The following NPFFR2 variants were observed in gnomAD, a reference collection of about 807,000 sequenced individuals.
NPFFR2 encodes G-protein coupled receptor 74.
NPFFR2 carries 15 observed loss-of-function variants against 13.1 expected under a neutral mutation model. That is an observed-to-expected ratio of 1.15 (90% CI 0.77 to 1.76). NPFFR2 has a LOEUF of 1.76. Ranked by LOEUF, NPFFR2 falls within the 40% of genes most tolerant of loss-of-function variation. The pLI is 0.00. For synonymous variants in NPFFR2, 190 were observed against 175.7 expected, an observed-to-expected ratio of 1.08 and a Z score of -0.65; for missense variants, 572 against 503.5, an observed-to-expected ratio of 1.14 and a Z score of -1.30.
intron 1 of NPFFR2, among the ~76,000 whole-genome samples, chr4:72,112,841 A>G (rs1268650399): frequency 6.6e-6 from 1 of 152,064 alleles, no homozygotes; most frequent in Non-Finnish European, 1.5e-5. Context: ...TACCCCTCTC[A>G]GGAGAGGGTT....
At chr4:72,127,258 C>T (rs62320814) in intron 1 of NPFFR2, among the ~76,000 whole-genome samples, 104,779 of 105,588 alleles carry the variant, frequency 0.99, 51,995 homozygotes, top group South Asian at 1. Context: ...GAGCCGAGAT[C>T]GCGCCACTGC....
At chr4:72,055,303 A>AATC (rs1268525185) in intron 1 of NPFFR2, among the ~76,000 whole-genome samples, 2 of 151,552 alleles carry the variant, frequency 1.3e-5, no homozygotes, top group Non-Finnish European at 1.5e-5. Flanking sequence ...TTCTTGTGAT[A>AATC]ATAAAAAAGT....
intron 1 of NPFFR2, among the ~76,000 whole-genome samples, chr4:72,092,575 C>G (rs1239298311): frequency 6.6e-6 from 1 of 152,022 alleles, no homozygotes; most frequent in Non-Finnish European, 1.5e-5. Flanking sequence ...GACTAGTCCT[C>G]TTATCATCGT....
intron 1 of NPFFR2, among the ~76,000 whole-genome samples, chr4:72,071,241 A>G (rs981112156): frequency 6.6e-6 from 1 of 152,188 alleles, no homozygotes; most frequent in Non-Finnish European, 1.5e-5. Context: ...CGTAAATGTC[A>G]ATGCTGTATG....
intron 1 of NPFFR2, among the ~76,000 whole-genome samples, chr4:72,042,342 C>G (rs1719244473): frequency 6.6e-6 from 1 of 152,172 alleles, no homozygotes; most frequent in Non-Finnish European, 1.5e-5. Flanking sequence ...ATTACCCAGT[C>G]TTGGCTATAT....
At chr4:72,063,284 T>G (rs1041710017) in intron 1 of NPFFR2, among the ~76,000 whole-genome samples, 1 of 150,376 alleles carries the variant, frequency 6.6e-6, no homozygotes, top group African/African-American at 2.5e-5. Context: ...AAATGAATTT[T>G]GCATGGCAAA....
intron 1 of NPFFR2, among the ~76,000 whole-genome samples, chr4:72,090,456 C>T (rs544482466): frequency 5.0e-4 from 76 of 152,136 alleles, no homozygotes; most frequent in Non-Finnish European, 9.4e-4. Flanking sequence ...CATCCATGAG[C>T]GTGAGATGTG....
At chr4:72,045,407 C>A (rs10937991) in intron 1 of NPFFR2, among the ~76,000 whole-genome samples, 135,408 of 152,188 alleles carry the variant, frequency 0.89, 61,386 homozygotes, top group Non-Finnish European at 0.98. Flanking sequence ...ATACCAATAC[C>A]ATTTCCTCTT....
chr4:72,038,901 CTTTCTTTTTTTTT>C (rs1331934493), intron 1 of NPFFR2, among the ~76,000 whole-genome samples: 1 of 86,918 alleles, frequency 1.2e-5, no homozygotes, highest in East Asian at 4.2e-4. Flanking sequence ...TTTAAATTTC[CTTTCTTTTTTTTT>C]TTTTTTTTTT....
chr4:72,073,377 CT>C (rs1360149055), intron 1 of NPFFR2, among the ~76,000 whole-genome samples: 1 of 151,980 alleles, frequency 6.6e-6, no homozygotes, highest in African/African-American at 2.4e-5. Context: ...GCAAAACTAT[CT>C]TTCAAAAGCT....
chr4:72,099,745 A>T (rs1177610930), intron 1 of NPFFR2, among the ~76,000 whole-genome samples: 1 of 152,164 alleles, frequency 6.6e-6, no homozygotes. Context: ...TTTCAAAGGA[A>T]CATCCAAAGC....
intron 1 of NPFFR2, among the ~76,000 whole-genome samples, chr4:72,078,279 G>C (rs749156181): frequency 6.6e-6 from 1 of 152,096 alleles, no homozygotes; most frequent in Non-Finnish European, 1.5e-5. Context: ...GAATATATAA[G>C]AATGTCTTCT....
chr4:72,056,877 T>G (rs1719763063), intron 1 of NPFFR2, among the ~76,000 whole-genome samples: 1 of 151,934 alleles, frequency 6.6e-6, no homozygotes, highest in South Asian at 2.1e-4. Context: ...TGCAATGTCA[T>G]AATCAAACTT....
chr4:72,036,837 A>G (rs1719051400), intron 1 of NPFFR2, among the ~76,000 whole-genome samples: 1 of 152,078 alleles, frequency 6.6e-6, no homozygotes, highest in African/African-American at 2.4e-5. Flanking sequence ...AGATGTATAT[A>G]TTAGAATTTA....
At chr4:72,113,756 T>G (rs1721633208) in intron 1 of NPFFR2, among the ~76,000 whole-genome samples, 1 of 152,056 alleles carries the variant, frequency 6.6e-6, no homozygotes, top group Non-Finnish European at 1.5e-5. Context: ...TGTCTGCGAG[T>G]AGACCAGTTC....
intron 1 of NPFFR2, among the ~76,000 whole-genome samples, chr4:72,085,499 G>A (rs532514132): frequency 1.3e-5 from 2 of 151,594 alleles, no homozygotes; most frequent in Admixed American, 1.3e-4. Context: ...TTCTTCTTTT[G>A]TTCAACTAAA....
rs1169429919 is a variant in NPFFR2, at chr4:72,128,860, G to A, written c.269G>A (p.Ser90Asn). ...TNLFILNLAI[S>N]DLLVGIFCMP... ...CTCTTCATCTTAAACCTGGCCATAA[G>A]TGATTTACTAGTTGGCATATTCTGC... Residue 90 changes from serine (S) to asparagine (N), a missense_variant, in exon 2 of 4, where the codon AGT (serine) becomes AAT (asparagine). Coordinates refer to ENST00000308744, the MANE Select transcript of NPFFR2 (RefSeq NM_004885.3). The A allele has an allele frequency of 6.2e-7, 1 of 1,614,052 alleles. No homozygotes were observed.
intron 1 of NPFFR2, among the ~76,000 whole-genome samples, chr4:72,067,226 C>T (rs533920050): frequency 3.9e-5 from 6 of 152,238 alleles, no homozygotes; most frequent in South Asian, 2.1e-4. Flanking sequence ...AGCAGTGGCC[C>T]GAGTTCTACC....
At chr4:72,113,651 C>G (rs1721628807) in intron 1 of NPFFR2, among the ~76,000 whole-genome samples, 1 of 152,070 alleles carries the variant, frequency 6.6e-6, no homozygotes, top group Non-Finnish European at 1.5e-5. Context: ...CTCAGACTGG[C>G]AAAGAAACAT....
Sources: gnomAD v4.1 joint callset for allele counts (sites outside exome capture counted in the v4.1 genomes callset) on GRCh38, gnomAD v4.1.1 for gene constraint, MANE v1.5 for transcripts, NCBI Gene and HGNC (gene_info 2026-07-23, HGNC 2026-07-21) for gene names.